Variants in EXOC4 observed in about 807,000 individuals in gnomAD.
EXOC4 encodes the protein SEC8-like 1.
EXOC4 carries 71 observed loss-of-function variants against 107.2 expected under a neutral mutation model. That is an observed-to-expected ratio of 0.66 (90% CI 0.55 to 0.81). EXOC4 has a LOEUF of 0.81. Among genes scored for constraint, EXOC4 ranks in the 30% least tolerant of loss-of-function variants. EXOC4 has a pLI of 0.00. For synonymous variants in EXOC4, 456 were observed against 441.2 expected (o/e 1.03, Z -0.42); for missense variants, 1,108 against 1,189.6 (o/e 0.93, Z 1.01).
intron 5 of EXOC4, among the ~76,000 whole-genome samples, chr7:133,328,178 A>ATATGTAC (rs1482249146): frequency 6.6e-6 from 1 of 151,334 alleles, no homozygotes; most frequent in Non-Finnish European, 1.5e-5. Context: ...CCCTTTACCA[A>ATATGTAC]TATGTACTGG....
chr7:133,577,881 C>A (rs1254840449), intron 9 of EXOC4, among the ~76,000 whole-genome samples: 2 of 151,952 alleles, frequency 1.3e-5, no homozygotes, highest in Admixed American at 6.6e-5. Flanking sequence ...AGAAAAGAAA[C>A]CAAAATGGAT....
At chr7:133,936,622 C>G (rs1800307488) in intron 13 of EXOC4, among the ~76,000 whole-genome samples, 1 of 152,090 alleles carries the variant, frequency 6.6e-6, no homozygotes, top group South Asian at 2.1e-4. Flanking sequence ...TTTTTTTCCC[C>G]TAACATTCTC....
At chr7:133,562,744 G>A (rs1429373897) in intron 9 of EXOC4, among the ~76,000 whole-genome samples, 1 of 152,142 alleles carries the variant, frequency 6.6e-6, no homozygotes, top group Non-Finnish European at 1.5e-5. Flanking sequence ...TTGGGTTCGT[G>A]TATCATACTG....
intron 9 of EXOC4, among the ~76,000 whole-genome samples, chr7:133,610,404 A>G (rs941859466): frequency 6.6e-6 from 1 of 152,208 alleles, no homozygotes; most frequent in Non-Finnish European, 1.5e-5. Flanking sequence ...GAAAGTCATT[A>G]CTTTTTCATG....
At chr7:133,627,020 T>C (rs1376006746) in intron 9 of EXOC4, among the ~76,000 whole-genome samples, 2 of 152,358 alleles carry the variant, frequency 1.3e-5, no homozygotes, top group Non-Finnish European at 2.9e-5. Context: ...AGGTCTTTTT[T>C]CCTTTCATTC....
chr7:133,606,978 G>T (rs1434757428), intron 9 of EXOC4, among the ~76,000 whole-genome samples: 2 of 152,118 alleles, frequency 1.3e-5, no homozygotes, highest in South Asian at 2.1e-4. Context: ...TAGACCCTAG[G>T]ATTGTCCCTA....
At chr7:133,449,686 C>T (rs1032286140) in intron 7 of EXOC4, among the ~76,000 whole-genome samples, 2 of 150,064 alleles carry the variant, frequency 1.3e-5, no homozygotes, top group African/African-American at 4.9e-5. Context: ...TTGTCTTACT[C>T]ATGGTGTTTT....
At chr7:133,455,733 G>A (rs755943703) in intron 7 of EXOC4, among the ~76,000 whole-genome samples, 16 of 152,168 alleles carry the variant, frequency 1.1e-4, no homozygotes, top group Non-Finnish European at 2.1e-4. Flanking sequence ...TATATAATAT[G>A]CATAATTGGC....
chr7:133,719,929 G>A (rs2151105128), intron 10 of EXOC4, among the ~76,000 whole-genome samples: 2 of 152,240 alleles, frequency 1.3e-5, no homozygotes, highest in African/African-American at 4.8e-5. Flanking sequence ...ATGGATGGAT[G>A]GATGAATTGA....
the EXOC4 span, among the ~76,000 whole-genome samples, chr7:134,077,819 C>T: frequency 9.2e-5 from 14 of 152,250 alleles, 1 homozygote; most frequent in Non-Finnish European, 1.6e-4. Flanking sequence ...AGCTGTAGTT[C>T]AGGCCTACTC....
At chr7:133,833,437 G>A (rs192711981) in intron 11 of EXOC4, among the ~76,000 whole-genome samples, 1 of 152,324 alleles carries the variant, frequency 6.6e-6, no homozygotes, top group Non-Finnish European at 1.5e-5. Context: ...GTACCAAATA[G>A]TAAATGAAAT....
At chr7:133,825,085 C>T (rs1797668777) in intron 11 of EXOC4, among the ~76,000 whole-genome samples, 2 of 151,304 alleles carry the variant, frequency 1.3e-5, no homozygotes, top group Non-Finnish European at 2.9e-5. Context: ...CTGGGTGGTA[C>T]ACACCTGTAA....
chr7:133,595,856 T>C (rs901735755), intron 9 of EXOC4, among the ~76,000 whole-genome samples: 4 of 152,194 alleles, frequency 2.6e-5, no homozygotes, highest in African/African-American at 9.7e-5. Context: ...ATGGAAAGGC[T>C]CAGATTCTAG....
chr7:133,665,021 GA>G (rs1793781225), intron 10 of EXOC4, among the ~76,000 whole-genome samples: 1 of 152,090 alleles, frequency 6.6e-6, no homozygotes, highest in Non-Finnish European at 1.5e-5. Flanking sequence ...CTTTGTTAAA[GA>G]AAAATGCAAT....
chr7:133,600,665 A>T (rs1563122514), intron 9 of EXOC4, among the ~76,000 whole-genome samples: 6 of 152,152 alleles, frequency 3.9e-5, no homozygotes, highest in South Asian at 2.1e-4. Flanking sequence ...AAAGAAAAGC[A>T]AAATAAATAA....
chr7:133,737,091 G>A (rs969763245), intron 10 of EXOC4, among the ~76,000 whole-genome samples: 2 of 152,090 alleles, frequency 1.3e-5, no homozygotes, highest in African/African-American at 4.8e-5. Flanking sequence ...TATTCTTTTA[G>A]TATTCCTCTA....
intron 9 of EXOC4, among the ~76,000 whole-genome samples, chr7:133,624,833 TCTGC>T (rs1483521735): frequency 3.3e-5 from 5 of 151,832 alleles, no homozygotes; most frequent in African/African-American, 1.2e-4. Flanking sequence ...CCTCAGGTAA[TCTGC>T]CCACCTCAGC....
At chr7:133,529,166 G>GTTTATGCCAGCTGTTCC (rs1483135170) in intron 9 of EXOC4, among the ~76,000 whole-genome samples, 5 of 152,152 alleles carry the variant, frequency 3.3e-5, no homozygotes. Flanking sequence ...GATGTGTACA[G>GTTTATGCCAGCTGTTCC]TTTATGCCAG....
intron 10 of EXOC4, among the ~76,000 whole-genome samples, chr7:133,684,684 T>C (rs1794257486): frequency 6.6e-6 from 1 of 152,122 alleles, no homozygotes; most frequent in Non-Finnish European, 1.5e-5. Context: ...TTTAAAAAAG[T>C]ATTGTTGACC....
Sources: allele counts gnomAD v4.1 joint callset (sites outside exome capture counted in the v4.1 genomes callset), GRCh38; gene constraint gnomAD v4.1.1; transcripts MANE v1.5; gene names NCBI Gene and HGNC (gene_info 2026-07-23, HGNC 2026-07-21).